CACNA2D4: variants seen among roughly 807,000 people sequenced by gnomAD.
The protein encoded by CACNA2D4 is calcium voltage-gated channel auxiliary subunit alpha2delta 4, also known as voltage-dependent calcium channel subunit alpha-2/delta-4.
Under a neutral mutation model 163.8 loss-of-function variants are expected in CACNA2D4, and 157 were observed. The observed-to-expected ratio is 0.96, with a 90% CI of 0.84 to 1.09. The LOEUF (loss-of-function observed/expected upper bound fraction) is 1.09. Among genes scored for constraint, CACNA2D4 ranks in the 50% least tolerant of loss-of-function variants. The pLI is 0.00. For synonymous variants in CACNA2D4, 598 were observed against 586.9 expected, an observed-to-expected ratio of 1.02 and a Z score of -0.27; for missense variants, 1,410 against 1,479.9, an observed-to-expected ratio of 0.95 and a Z score of 0.78.
At chr12:1,837,102 C>T (rs979978423) in intron 26 of CACNA2D4, among the ~76,000 whole-genome samples, 10 of 152,208 alleles carry the variant, frequency 6.6e-5, no homozygotes, top group African/African-American at 2.2e-4. Flanking sequence ...CTGGGGAGCC[C>T]GCCATGGCCC....
In CACNA2D4 at chr12:1,844,628, G is replaced by A. The variant is rs1865103140; in HGVS notation, c.2343-99C>T. 5 of 1,320,064 alleles carry A rather than the reference G, an allele frequency of 3.8e-6. No homozygotes were observed. The highest frequency in any genetic ancestry group is 2.9e-5 in the South Asian group (2 of 70,138). The allele number at this position is 1,320,064 out of a possible 1,614,324, so 81.8% of individuals were successfully genotyped here. A position where few individuals can be genotyped will look rare whatever the true frequency, so the allele number is the denominator to read the frequency against. ...AGGTCAACTTGGCTGGGCTAAGAGA[G>A]TGATTTTAGCCCCTAAATTAGTACG... On this transcript the variant is annotated intron_variant, in intron 24 of 37. Coordinates refer to ENST00000382722, the MANE Select transcript of CACNA2D4 (RefSeq NM_172364.5). The surrounding 1 kb of genome is among the most constrained non-coding windows in gnomAD (Gnocchi z 4.2).
chr12:1,832,359 C>T (rs1864672824), intron 26 of CACNA2D4, among the ~76,000 whole-genome samples: 1 of 152,216 alleles, frequency 6.6e-6, no homozygotes, highest in African/African-American at 2.4e-5. Context: ...TGTGGCAATG[C>T]ACGGAACGTG....
chr12:1,819,755 G>A (rs1044898811), intron 26 of CACNA2D4, among the ~76,000 whole-genome samples: 4 of 152,250 alleles, frequency 2.6e-5, no homozygotes, highest in South Asian at 2.1e-4. Context: ...TCTTCCCTTC[G>A]CATGCCTGAC....
chr12:1,892,640 T>G (rs1273880196), intron 6 of CACNA2D4, among the ~76,000 whole-genome samples: 1 of 152,090 alleles, frequency 6.6e-6, no homozygotes, highest in African/African-American at 2.4e-5. Flanking sequence ...CTCTCACATA[T>G]TGATAATAAC....
rs1592706169 is a variant in CACNA2D4 at position 1,844,662 on chromosome 12, C to T, written c.2343-133G>A. ...GCCCCTAAATTAGTACGGCCCCAGA[C>T]AATGCTTCCCAGCAATTCTCGCCTT... On this transcript the variant is annotated intron_variant, in intron 24 of 37. Coordinates refer to ENST00000382722, the MANE Select transcript of CACNA2D4 (RefSeq NM_172364.5). The surrounding 1 kb of genome is among the most constrained non-coding windows in gnomAD (Gnocchi z 4.2). 5.8e-6 allele frequency: 5 copies of T among 867,034 alleles called. No individual in the cohort carries two copies. In the East Asian group the frequency reaches 1.3e-4, roughly 23 times the overall value. The allele number at this position is 867,034 out of a possible 1,614,324, so 53.7% of individuals were successfully genotyped here. A position where few individuals can be genotyped will look rare whatever the true frequency, so the allele number is the denominator to read the frequency against.
intron 26 of CACNA2D4, chr12:1,835,666 C>T (rs1239252898): frequency 1.3e-5 from 2 of 152,718 alleles, no homozygotes; most frequent in Non-Finnish European, 2.9e-5. Flanking sequence ...ACCATGGTAA[C>T]CCTCTCACAC....
intron 29 of CACNA2D4, among the ~76,000 whole-genome samples, chr12:1,803,812 A>C (rs1863420121): frequency 6.6e-6 from 1 of 152,236 alleles, no homozygotes; most frequent in Non-Finnish European, 1.5e-5. Flanking sequence ...AGAGCTTCAG[A>C]CTAGTTTGCA....
At chr12:1,830,566 G>C (rs1864576094) in intron 26 of CACNA2D4, among the ~76,000 whole-genome samples, 1 of 152,212 alleles carries the variant, frequency 6.6e-6, no homozygotes, top group African/African-American at 2.4e-5. Context: ...CATGGTGTCA[G>C]TGGGACCCAA....
At chr12:1,914,529 G>A (rs1866913658) in intron 2 of CACNA2D4, among the ~76,000 whole-genome samples, 1 of 152,072 alleles carries the variant, frequency 6.6e-6, no homozygotes, top group African/African-American at 2.4e-5. Flanking sequence ...CAGGTGTTAG[G>A]CCTGCATCCC....
intron 18 of CACNA2D4, among the ~76,000 whole-genome samples, chr12:1,868,828 C>A (rs1427096557): frequency 1.3e-5 from 2 of 152,146 alleles, no homozygotes; most frequent in African/African-American, 4.8e-5. Context: ...TGCATCTGTA[C>A]TGAATATGTA....
intron 6 of CACNA2D4, among the ~76,000 whole-genome samples, chr12:1,893,938 A>G (rs1866344462): frequency 6.6e-6 from 1 of 152,170 alleles, no homozygotes; most frequent in African/African-American, 2.4e-5. Context: ...GAGACTAAAA[A>G]ATTATGAAGG....
At chr12:1,908,651 C>G (rs111949023) in intron 4 of CACNA2D4, among the ~76,000 whole-genome samples, 2,682 of 46,116 alleles carry the variant, frequency 0.058, 166 homozygotes, top group East Asian at 0.39. Flanking sequence ...GCCGGACTGC[C>G]TCACGGACAT....
chr12:1,810,623 C>T (rs1179283911), intron 27 of CACNA2D4, 36 bp from the exon 28 acceptor site: 1 of 1,547,872 alleles, frequency 6.5e-7, no homozygotes, highest in Admixed American at 2.0e-5. Context: ...GTGGACACTG[C>T]ATGTGTAGTA....
intron 6 of CACNA2D4, among the ~76,000 whole-genome samples, chr12:1,896,747 G>A (rs1866416758): frequency 6.6e-6 from 1 of 152,012 alleles, no homozygotes; most frequent in Non-Finnish European, 1.5e-5. Flanking sequence ...AAACAATATG[G>A]TGATTTCTCA....
intron 26 of CACNA2D4, among the ~76,000 whole-genome samples, chr12:1,826,409 C>CA (rs1040917310): frequency 4.9e-5 from 3 of 60,788 alleles, no homozygotes; most frequent in East Asian, 8.9e-4. Context: ...AGCCCCCCCC[C>CA]CCCCCCCGCC....
At chr12:1,910,790 C>T (rs1225333405) in intron 3 of CACNA2D4, among the ~76,000 whole-genome samples, 1 of 152,040 alleles carries the variant, frequency 6.6e-6, no homozygotes, top group Non-Finnish European at 1.5e-5. Flanking sequence ...ATGTGAAATA[C>T]CCACAACATG....
Position 1,907,943 on chromosome 12 carries a change from T to C in CACNA2D4, c.581A>G (p.His194Arg). 3 of 1,614,056 alleles carry C rather than the reference T, an allele frequency of 1.9e-6. No individual in the cohort carries two copies. The highest frequency in any genetic ancestry group is 2.5e-6 in the Non-Finnish European group (3 of 1,179,882). ...GAEFLLESNA[H>R]FSNLPVNTSI... is the part of the protein sequence containing the mutation. ...GGTGTTCACCGGCAGGTTGCTGAAG[T>C]GAGCATTGGACTCCAGGAGGAACTC... The change falls in exon 5 of 38, where the codon CAC becomes CGC. Residue 194 changes from histidine (H) to arginine (R), a missense_variant. Transcript: ENST00000382722.
intron 6 of CACNA2D4, among the ~76,000 whole-genome samples, chr12:1,887,637 A>G (rs1866179693): frequency 6.6e-6 from 1 of 152,232 alleles, no homozygotes; most frequent in South Asian, 2.1e-4. Flanking sequence ...TGGATATGAA[A>G]GATCTTGCGT....
chr12:1,874,176 G>A lies in CACNA2D4; in HGVS notation c.1878+428C>T, dbSNP rs796572010. 1.3e-5 allele frequency among the ~76,000 whole-genome samples: 2 copies of A among 152,204 alleles called. No individual in the cohort carries two copies. The highest frequency in any genetic ancestry group is 4.1e-4 in the South Asian group (2 of 4,828). ...GATTCCTAACTATCTGGGAATGACAGTGGATGAAAATCAGCTGTAGGGAAT... is the reference window on the plus strand; with the variant it reads ...GATTCCTAACTATCTGGGAATGACAATGGATGAAAATCAGCTGTAGGGAAT... On this transcript the variant is annotated intron_variant, in intron 18 of 37. Coordinates refer to ENST00000382722, the MANE Select transcript of CACNA2D4 (RefSeq NM_172364.5). This position sits in a 1 kb window ranked among gnomAD's most constrained non-coding sequence, Gnocchi z 4.4.
Sources: gnomAD v4.1 joint callset for allele counts (sites outside exome capture counted in the v4.1 genomes callset) on GRCh38, gnomAD v4.1.1 for gene constraint, Gnocchi (gnomAD v3.1) non-coding constraint, MANE v1.5 for transcripts, NCBI Gene and HGNC (gene_info 2026-07-23, HGNC 2026-07-21) for gene names.